The following LFNG variants were observed in gnomAD, a reference collection of about 807,000 sequenced individuals.
LFNG encodes the protein beta-1,3-N-acetylglucosaminyltransferase lunatic fringe.
A neutral mutation model predicts 32.7 loss-of-function variants in LFNG; 15 were observed. The ratio of observed to expected loss-of-function variants is 0.46; its 90% CI spans 0.31 to 0.71. The LOEUF (loss-of-function observed/expected upper bound fraction) is 0.71. Ranked by LOEUF, LFNG falls within the 30% of genes least tolerant of loss-of-function variation. The probability of loss-of-function intolerance (pLI) is 0.06; values close to 1 mark genes in which losing one functional copy is unlikely to be tolerated. For missense variants in LFNG, 520 were observed against 545.7 expected, an observed-to-expected ratio of 0.95 and a Z score of 0.47; for synonymous variants, 274 against 246.8, an observed-to-expected ratio of 1.11 and a Z score of -1.03.
upstream of LFNG, among the ~76,000 whole-genome samples, chr7:2,518,912 C>A (rs1024775440): frequency 3.3e-5 from 5 of 151,728 alleles, no homozygotes; most frequent in African/African-American, 1.2e-4. Flanking sequence ...GAGGGGCGGG[C>A]CCGGGCCCGT....
downstream of LFNG, among the ~76,000 whole-genome samples, chr7:2,528,590 C>T (rs544804045): frequency 7.9e-5 from 12 of 152,200 alleles, no homozygotes; most frequent in African/African-American, 2.4e-4. Context: ...CGAAACCTGG[C>T]GTCACTATAG....
Position 2,525,343 on chromosome 7 carries a change from C to A in LFNG, c.581+25C>A, listed in dbSNP as rs763256375. On this transcript the variant is annotated intron_variant, in intron 3 of 7. Transcript: ENST00000222725. ...AGTGAGTGTGGCCCCGGGGGACCCC[C>A]ATCTCCCTGCCCGAGCCTGGCAGCG... 6 of 1,612,050 alleles carry A rather than the reference C, an allele frequency of 3.7e-6. No individual in the cohort carries two copies. In the East Asian group the frequency reaches 1.3e-4, roughly 36 times the overall value.
At chr7:2,518,599 G>A (rs1188254017), upstream of LFNG, 1 of 1,611,868 alleles carries the variant, frequency 6.2e-7, no homozygotes, top group Non-Finnish European at 8.5e-7. Context: ...TCAGGTAGAG[G>A]TAAGGAGAGG....
chr7:2,515,448 T>A (rs1779606556), upstream of LFNG, among the ~76,000 whole-genome samples: 1 of 152,032 alleles, frequency 6.6e-6, no homozygotes, highest in African/African-American at 2.4e-5. Context: ...CAGAGGGGGA[T>A]GGGGAGGACG....
rs1779969158 is a variant in LFNG, at chr7:2,526,254, T to C, written c.832T>C (p.Phe278Leu). The C allele has an allele frequency of 2.5e-6, 4 of 1,612,992 alleles. No homozygotes were observed. The highest frequency in any genetic ancestry group is 3.4e-6 in the Non-Finnish European group (4 of 1,179,936). ...KMSPWASGGH[F>L]MNTAERIRLP... ...CCTTCCCTCCCGCAGCGGGGGTCAC[T>C]TCATGAATACGGCTGAGCGGATCCG... is the stretch of plus-strand genomic sequence containing the variant. The change falls in exon 6 of 8, where the codon TTC (phenylalanine) becomes CTC (leucine). Residue 278 changes from phenylalanine to leucine, a missense_variant. This residue lies in a region of LFNG where 150 missense variants were observed against 159.9 expected (regional missense o/e 0.94). Coordinates refer to ENST00000222725, the MANE Select transcript of LFNG (RefSeq NM_001040167.2). This position sits in a 1 kb window ranked among gnomAD's most constrained non-coding sequence, Gnocchi z 6.9.
chr7:2,527,897 T>C lies in LFNG; in HGVS notation c.*685T>C. The C allele has an allele frequency of 1.0e-6, 1 of 989,212 alleles. No individual in the cohort carries two copies. The highest frequency in any genetic ancestry group is 1.2e-6 in the Non-Finnish European group (1 of 831,954). The allele number at this position is 989,212 out of a possible 1,614,324, so 61.3% of individuals were successfully genotyped here. ...CAGGCCTCCTCAGAGGTCTTCCCTT[T>C]GCCTCCCCAGGACAGGGTGAGTCAG... On this transcript the variant is annotated 3_prime_UTR_variant, in exon 8 of 8. Transcript: ENST00000222725. The surrounding 1 kb of genome is among the most constrained non-coding windows in gnomAD (Gnocchi z 4.4).
At position 2,525,286 on chromosome 7, in the gene LFNG, G is replaced by A; in HGVS notation, c.549G>A (p.Val183=). The change falls in exon 3 of 8, where the codon GTG becomes GTA. Residue 183 remains valine, a synonymous_variant. Transcript: ENST00000222725. ...SRQALSCKMA[V]EYDRFIESGR... ...AGGCGCTGTCCTGCAAGATGGCCGT[G>A]GAGTATGACCGCTTCATCGAGTCCG... 6.2e-7 allele frequency: 1 copy of A among 1,613,048 alleles called. No homozygotes were observed.
chr7:2,524,542 C>A, intron 1 of LFNG, 153 bp from the exon 2 acceptor site: 1 of 741,432 alleles, frequency 1.3e-6, no homozygotes. Flanking sequence ...CCCTTCTCAG[C>A]ACGAGTGGGG....
At chr7:2,524,590 G>A (rs1055620736) in intron 1 of LFNG, 105 bp from the exon 2 acceptor site, 30 of 1,064,574 alleles carry the variant, frequency 2.8e-5, no homozygotes, top group South Asian at 1.9e-4. Flanking sequence ...TCAGTGTGAC[G>A]CAGCTGCAGC....
downstream of LFNG, chr7:2,529,135 T>C: frequency 2.8e-6 from 1 of 362,228 alleles, no homozygotes; most frequent in Non-Finnish European, 4.9e-6. This position sits in a 1 kb window ranked among gnomAD's most constrained non-coding sequence, Gnocchi z 4.2. Flanking sequence ...CAGACGCTTG[T>C]TTTTTAAATA....
At chr7:2,517,960 G>A, upstream of LFNG, 4 of 1,132,834 alleles carry the variant, frequency 3.5e-6, no homozygotes, top group Middle Eastern at 3.5e-4. Context: ...ATAGGAGTGG[G>A]TGGGATGGGG....
chr7:2,525,889 C>T, intron 5 of LFNG, 119 bp downstream of exon 5: 1 of 884,076 alleles, frequency 1.1e-6, no homozygotes, highest in Non-Finnish European at 1.8e-6. Context: ...GCACTGCCCA[C>T]TTACTTCCTA....
rs1224388647 is a variant in LFNG at position 2,520,725 on chromosome 7, T to C, written c.432+432T>C. ...CTTCCTTTAGAGAAGTGAGGGGTTC[T>C]GACCTCTGGGCCCTTTCCTCATCAC... On this transcript the variant is annotated intron_variant, in intron 1 of 7. Coordinates refer to ENST00000222725, the MANE Select transcript of LFNG (RefSeq NM_001040167.2). This position sits in a 1 kb window ranked among gnomAD's most constrained non-coding sequence, Gnocchi z 5.0. Among the ~76,000 whole-genome samples the C allele has an allele frequency of 6.6e-6, 1 of 152,276 alleles. No homozygotes were observed. The highest frequency in any genetic ancestry group is 1.5e-5 in the Non-Finnish European group (1 of 68,050).
chr7:2,513,452 C>G (rs968310853), upstream of LFNG: 2 of 1,122,756 alleles, frequency 1.8e-6, no homozygotes, highest in South Asian at 3.6e-5. Context: ...CCCATGGTAG[C>G]GATGGGGAGC....
chr7:2,515,629 G>T (rs1583268807), upstream of LFNG, among the ~76,000 whole-genome samples: 1 of 152,252 alleles, frequency 6.6e-6, no homozygotes, highest in African/African-American at 2.4e-5. Context: ...CTGTTGGAAA[G>T]GCCGTGGCTT....
At chr7:2,512,795 C>A in intron 1 of LFNG, 4 of 1,090,266 alleles carry the variant, frequency 3.7e-6, no homozygotes, top group East Asian at 4.9e-5. Context: ...CCCCAGTACC[C>A]CTGCATTCTA....
rs1283697812 is a variant in LFNG at position 2,520,150 on chromosome 7, C to A, written c.289C>A (p.Arg97Ser). The A allele has an allele frequency of 3.5e-6, 5 of 1,447,552 alleles. No homozygotes were observed. The highest frequency in any genetic ancestry group is 1.5e-5 in the African/African-American group (1 of 67,578). 89.7% of individuals were successfully genotyped at this position (1,447,552 alleles called of 1,614,324 possible). Reference sequence around the variant, plus strand: ...GGGCCCGCCGCCCGGGGCTGCCCCCCGCCCCGCCGACGGCCACCCGCGCCC... The same window carrying A: ...GGGCCCGCCGCCCGGGGCTGCCCCCAGCCCCGCCGACGGCCACCCGCGCCC... ...DAGPPPGAAP[R>S]PADGHPRPLA... Residue 97 changes from arginine to serine, a missense_variant, in exon 1 of 8, where the codon CGC becomes AGC. Around this residue, in one of 3 missense-constraint regions of LFNG, gnomAD observed 360 missense variants for 354.7 expected, o/e 1.01. Coordinates refer to ENST00000222725, the MANE Select transcript of LFNG (RefSeq NM_001040167.2). The surrounding 1 kb of genome is among the most constrained non-coding windows in gnomAD (Gnocchi z 5.0).
chr7:2,528,017 T>G lies in LFNG; in HGVS notation c.*805T>G, dbSNP rs948857194. On this transcript the variant is annotated 3_prime_UTR_variant, in exon 8 of 8. Coordinates refer to ENST00000222725, the MANE Select transcript of LFNG (RefSeq NM_001040167.2). ...GTGACAGTATTTTTTTACTGTGCTG[T>G]TTTTTTTGAAAGGGGATGGGTAAAA... 3.1e-6 allele frequency: 3 copies of G among 981,824 alleles called. No individual in the cohort carries two copies. The highest frequency in any genetic ancestry group is 3.6e-6 in the Non-Finnish European group (3 of 828,242). 60.8% of individuals were successfully genotyped at this position (981,824 alleles called of 1,614,324 possible). A position where few individuals can be genotyped will look rare whatever the true frequency, so the allele number is the denominator to read the frequency against.
At chr7:2,521,458 C>T (rs1779790086) in intron 1 of LFNG, among the ~76,000 whole-genome samples, 1 of 152,228 alleles carries the variant, frequency 6.6e-6, no homozygotes. Flanking sequence ...GCGAGAAAGG[C>T]GTCGGGCCCC....
Sources: gnomAD v4.1 joint callset for allele counts (sites outside exome capture counted in the v4.1 genomes callset) on GRCh38, gnomAD v4.1.1 for gene constraint, gnomAD v4.1.1 regional missense constraint, Gnocchi (gnomAD v3.1) non-coding constraint, MANE v1.5 for transcripts, NCBI Gene and HGNC (gene_info 2026-07-23, HGNC 2026-07-21) for gene names.